PCDH7: variants seen among roughly 807,000 people sequenced by gnomAD.
PCDH7 encodes the protein protocadherin 7.
PCDH7 carries 17 observed loss-of-function variants against 58.9 expected under a neutral mutation model. The observed-to-expected ratio is 0.29, with a 90% confidence interval of 0.20 to 0.43. The LOEUF (loss-of-function observed/expected upper bound fraction) is 0.43, where lower values mean the gene tolerates loss of function less well. Ranked by LOEUF, PCDH7 falls within the 20% of genes least tolerant of loss-of-function variation. The pLI is 1.00. For missense variants in PCDH7, 1,274 were observed against 1,441.0 expected (o/e 0.88, Z 1.88); for synonymous variants, 664 against 616.4 (o/e 1.08, Z -1.14).
intron 3 of PCDH7, among the ~76,000 whole-genome samples, chr4:31,132,450 T>G (rs1719108445): frequency 6.6e-6 from 1 of 152,102 alleles, no homozygotes; most frequent in African/African-American, 2.4e-5. Flanking sequence ...TATTAATATT[T>G]ATCATAGAAT....
intron 1 of PCDH7, among the ~76,000 whole-genome samples, chr4:30,811,781 G>A (rs1727052203): frequency 6.6e-6 from 1 of 152,180 alleles, no homozygotes; most frequent in Admixed American, 6.6e-5. Flanking sequence ...AAGAGCCTAG[G>A]GGCCATGAAA....
intron 3 of PCDH7, among the ~76,000 whole-genome samples, chr4:31,101,211 T>C (rs1359987195): frequency 1.3e-5 from 2 of 152,170 alleles, no homozygotes; most frequent in Non-Finnish European, 2.9e-5. Flanking sequence ...CTTGCAAGAT[T>C]TATAAGAACT....
At chr4:30,890,897 T>C (rs778798474) in intron 1 of PCDH7, among the ~76,000 whole-genome samples, 5 of 152,174 alleles carry the variant, frequency 3.3e-5, no homozygotes, top group Non-Finnish European at 7.4e-5. Flanking sequence ...TTTTAAGTTA[T>C]TGTAGCAATC....
chr4:30,982,298 C>G lies in PCDH7; in HGVS notation c.*7+32083C>G, dbSNP rs548965213. ...ATTAGGAGGAGGCATTCTCTAGCCC[C>G]GTTGTCTTTTTCATGTGAATTTCTC... On this transcript the variant is annotated intron_variant, in intron 3 of 3. Coordinates refer to the PCDH7 transcript ENST00000509759. Among the ~76,000 whole-genome samples, 33 of 152,214 alleles carry G rather than the reference C, an allele frequency of 2.2e-4. 1 individual carries two copies. In the East Asian group the frequency reaches 6.4e-3, roughly 29 times the overall value.
chr4:30,744,013 C>T (rs1031644005), intron 1 of PCDH7, among the ~76,000 whole-genome samples: 4 of 152,094 alleles, frequency 2.6e-5, no homozygotes, highest in East Asian at 3.9e-4. Flanking sequence ...AATCTATCTC[C>T]GTTGATTCTT....
intron 3 of PCDH7, among the ~76,000 whole-genome samples, chr4:31,091,496 T>C (rs796360668): frequency 4.0e-5 from 6 of 151,840 alleles, no homozygotes; most frequent in South Asian, 2.1e-4. Flanking sequence ...ATGTGGAAAA[T>C]TGAATTACTT....
chr4:30,726,926 T>G (rs967846910), intron 1 of PCDH7, among the ~76,000 whole-genome samples: 17 of 152,002 alleles, frequency 1.1e-4, no homozygotes, highest in African/African-American at 3.1e-4. Flanking sequence ...GCTTTTTGTT[T>G]GTGCCATAAG....
At chr4:30,833,507 C>A (rs73213201) in intron 1 of PCDH7, among the ~76,000 whole-genome samples, 6 of 152,100 alleles carry the variant, frequency 3.9e-5, no homozygotes, top group Admixed American at 1.3e-4. Context: ...CCAAGATAAT[C>A]TTCTATTTTA....
chr4:30,748,765 G>A (rs1718104182), intron 1 of PCDH7, among the ~76,000 whole-genome samples: 1 of 152,146 alleles, frequency 6.6e-6, no homozygotes, highest in Non-Finnish European at 1.5e-5. Flanking sequence ...ATTCAGGGGT[G>A]TTGTGAGGGT....
At chr4:31,142,910 A>C (rs2109350098) in exon 4 of PCDH7, 1 of 1,232,826 alleles carries the variant, frequency 8.1e-7, no homozygotes, top group Non-Finnish European at 1.1e-6. Flanking sequence ...AGGGGCAAAA[A>C]CCTTACAAAG....
chr4:30,819,606 TG>T (rs1398652412), intron 1 of PCDH7, among the ~76,000 whole-genome samples: 1 of 152,132 alleles, frequency 6.6e-6, no homozygotes, highest in Non-Finnish European at 1.5e-5. Flanking sequence ...ATTAATTTGA[TG>T]GGGGTGTTAT....
chr4:31,141,226 G>A (rs1402550887), intron 3 of PCDH7, among the ~76,000 whole-genome samples: 2 of 152,162 alleles, frequency 1.3e-5, no homozygotes, highest in Admixed American at 6.6e-5. Context: ...TATTTTAAAC[G>A]AATCTACTAG....
intron 3 of PCDH7, among the ~76,000 whole-genome samples, chr4:31,030,488 G>A (rs1004426992): frequency 2.0e-5 from 3 of 152,166 alleles, no homozygotes; most frequent in Non-Finnish European, 4.4e-5. Context: ...TCTCCAAATT[G>A]TGTCTTCAGG....
At chr4:30,864,559 T>C (rs1385633953) in intron 1 of PCDH7, among the ~76,000 whole-genome samples, 1 of 151,976 alleles carries the variant, frequency 6.6e-6, no homozygotes, top group Non-Finnish European at 1.5e-5. Flanking sequence ...AGGATATAGA[T>C]GATATACTAC....
chr4:30,898,123 C>A (rs73812666), intron 1 of PCDH7, among the ~76,000 whole-genome samples: 6,299 of 152,178 alleles, frequency 0.041, 435 homozygotes, highest in African/African-American at 0.14. Flanking sequence ...TAACATGTTT[C>A]TATTTTCTAT....
intron 3 of PCDH7, among the ~76,000 whole-genome samples, chr4:30,962,570 T>G (rs1748545760): frequency 1.3e-5 from 2 of 151,906 alleles, no homozygotes; most frequent in African/African-American, 4.8e-5. Flanking sequence ...GAGGATTACT[T>G]GAGCCCAGGA....
chr4:31,056,512 A>AGAAG lies in PCDH7; in HGVS notation c.*8-85958_*8-85957insGGAA, dbSNP rs1560608875. Among the ~76,000 whole-genome samples, 134 of 101,500 alleles carry AGAAG rather than the reference A, an allele frequency of 1.3e-3. 2 individuals carry two copies. Among genetic ancestry groups the AGAAG allele is most frequent in the African/African-American group, 4.9e-3 (125 of 25,346 alleles). 66.6% of individuals were successfully genotyped at this position (101,500 alleles called of 152,430 possible). On this transcript the variant is annotated intron_variant, in intron 3 of 3. Coordinates refer to the PCDH7 transcript ENST00000509759. ...AAGAAAGAAAGAAAGAAAGAAAGAA[A>AGAAG]GAAAGGGGAAGGGAAGGGAAGGAAG...
chr4:30,737,886 C>T (rs183232281), downstream of PCDH7, among the ~76,000 whole-genome samples: 15 of 152,280 alleles, frequency 9.9e-5, 1 homozygote, highest in Admixed American at 9.8e-4. Flanking sequence ...CAAAATACCC[C>T]AGACCGGGTG....
intron 3 of PCDH7, among the ~76,000 whole-genome samples, chr4:30,999,110 G>A (rs571450677): frequency 1.3e-5 from 2 of 152,198 alleles, no homozygotes; most frequent in Non-Finnish European, 2.9e-5. Context: ...CTGAACTCTG[G>A]CTGTGACCTA....
Sources: gnomAD v4.1 joint callset for allele counts (sites outside exome capture counted in the v4.1 genomes callset) on GRCh38, gnomAD v4.1.1 for gene constraint, MANE v1.5 for transcripts, NCBI Gene and HGNC (gene_info 2026-07-23, HGNC 2026-07-21) for gene names.